The following SEMA3E variants were observed in gnomAD, a reference collection of about 807,000 sequenced individuals.
SEMA3E encodes the protein semaphorin-3E.
Under a neutral mutation model 93.6 loss-of-function variants are expected in SEMA3E, and 49 were observed. That is an observed-to-expected ratio of 0.52 (90% confidence interval 0.42 to 0.66). The LOEUF (loss-of-function observed/expected upper bound fraction) is 0.66. SEMA3E is among the 30% of genes least tolerant of loss of function. SEMA3E has a pLI of 0.00. For synonymous variants in SEMA3E, 363 were observed against 330.7 expected (o/e 1.10, Z -1.06); for missense variants, 906 against 964.8 (o/e 0.94, Z 0.81).
intron 5 of SEMA3E, among the ~76,000 whole-genome samples, chr7:83,417,617 G>A (rs1330546159): frequency 6.6e-6 from 1 of 152,088 alleles, no homozygotes; most frequent in Admixed American, 6.6e-5. Flanking sequence ...ACTTCCATTA[G>A]TACCTATGTC....
rs56911150 is a variant in SEMA3E at position 83,380,284 on chromosome 7, G to C, written c.1875+5010C>G. 3.5e-3 allele frequency among the ~76,000 whole-genome samples: 538 copies of C among 151,818 alleles called. 5 individuals carry two copies. The highest frequency in any genetic ancestry group is 0.012 in the African/African-American group (509 of 41,472). On this transcript the variant is annotated intron_variant, in intron 16 of 16. Coordinates refer to ENST00000643230, the MANE Select transcript of SEMA3E (RefSeq NM_012431.3). Reference sequence around the variant, plus strand: ...TCTACTAATACTGTTTAGTTCATGTGGCACAAAATTTTTTCAATAACTATT... The same window carrying C: ...TCTACTAATACTGTTTAGTTCATGTCGCACAAAATTTTTTCAATAACTATT...
intron 10 of SEMA3E, 127 bp from the exon 11 acceptor site, chr7:83,400,377 T>A: frequency 1.2e-6 from 1 of 849,990 alleles, no homozygotes; most frequent in Non-Finnish European, 1.9e-6. Context: ...TAGAAATATT[T>A]AGTAATCATA....
intron 1 of SEMA3E, among the ~76,000 whole-genome samples, chr7:83,535,144 T>C (rs1020630557): frequency 6.6e-6 from 1 of 152,212 alleles, no homozygotes; most frequent in Non-Finnish European, 1.5e-5. Flanking sequence ...GTGAATCTGC[T>C]GGAATTTTTA....
chr7:83,638,104 A>G (rs1793917594), intron 1 of SEMA3E, among the ~76,000 whole-genome samples: 1 of 152,210 alleles, frequency 6.6e-6, no homozygotes, highest in Non-Finnish European at 1.5e-5. Context: ...AAGGGAAAAA[A>G]CTTTAGAAAG....
At chr7:83,402,878 A>G (rs1788258436) in intron 9 of SEMA3E, 102 bp from the exon 10 acceptor site, 2 of 1,117,676 alleles carry the variant, frequency 1.8e-6, no homozygotes, top group South Asian at 2.7e-5. Context: ...TTTTGGGTAA[A>G]GTGGTTGCAA....
chr7:83,437,229 T>A (rs1659982248), intron 4 of SEMA3E, among the ~76,000 whole-genome samples: 1 of 152,024 alleles, frequency 6.6e-6, no homozygotes, highest in Non-Finnish European at 1.5e-5. Flanking sequence ...TGGATTGTCA[T>A]CCAAAAAATA....
At chr7:83,394,400 G>A in intron 12 of SEMA3E, 62 bp from the exon 13 acceptor site, 1 of 1,352,122 alleles carries the variant, frequency 7.4e-7, no homozygotes. Flanking sequence ...ACCTTAATAT[G>A]GTTGTAAACC....
chr7:83,517,089 T>G (rs1421114142), intron 1 of SEMA3E, among the ~76,000 whole-genome samples: 1 of 152,146 alleles, frequency 6.6e-6, no homozygotes, highest in Non-Finnish European at 1.5e-5. Context: ...ATCTTTAGTA[T>G]TCCTATACCA....
intron 2 of SEMA3E, among the ~76,000 whole-genome samples, chr7:83,487,682 C>CGTGTGTGTGTGTGTGTGT (rs71074667): frequency 3.3e-4 from 47 of 144,538 alleles, no homozygotes; most frequent in African/African-American, 1.1e-3. Flanking sequence ...GGCAGGAGGT[C>CGTGTGTGTGTGTGTGTGT]GTGTGTGTGT....
At chr7:83,511,605 C>T (rs61224518) in intron 1 of SEMA3E, among the ~76,000 whole-genome samples, 21,639 of 152,076 alleles carry the variant, frequency 0.14, 1,885 homozygotes, top group South Asian at 0.24. Flanking sequence ...AAAGAAGAGT[C>T]CTAGTGCGGT....
At chr7:83,605,101 TG>T (rs1793083797) in intron 1 of SEMA3E, among the ~76,000 whole-genome samples, 1 of 152,222 alleles carries the variant, frequency 6.6e-6, no homozygotes, top group South Asian at 2.1e-4. Flanking sequence ...TATGTGTGCA[TG>T]TGTCTTTATA....
intron 14 of SEMA3E, among the ~76,000 whole-genome samples, chr7:83,391,117 A>G (rs983700732): frequency 1.3e-5 from 2 of 152,140 alleles, no homozygotes; most frequent in African/African-American, 2.4e-5. Context: ...ATGGTACGGC[A>G]TGCTTGTTTT....
At chr7:83,372,065 A>C (rs559690350) in intron 16 of SEMA3E, 3 of 387,354 alleles carry the variant, frequency 7.7e-6, no homozygotes, top group African/African-American at 6.2e-5. Flanking sequence ...TGAGTAAAGA[A>C]TTCAGAAGAT....
At chr7:83,404,020 T>TC in intron 9 of SEMA3E, among the ~76,000 whole-genome samples, 1 of 152,094 alleles carries the variant, frequency 6.6e-6, no homozygotes, top group South Asian at 2.1e-4. Flanking sequence ...TATAATCTGA[T>TC]CATATTAACC....
intron 2 of SEMA3E, among the ~76,000 whole-genome samples, chr7:83,487,729 T>C (rs1163652264): frequency 6.7e-6 from 1 of 149,220 alleles, no homozygotes; most frequent in Non-Finnish European, 1.5e-5. Context: ...TTTATATATA[T>C]GGAGAGAGAG....
At chr7:83,591,895 T>A (rs1792763071) in intron 1 of SEMA3E, among the ~76,000 whole-genome samples, 1 of 152,066 alleles carries the variant, frequency 6.6e-6, no homozygotes, top group Non-Finnish European at 1.5e-5. Flanking sequence ...TGTATTCACA[T>A]CAATTTTTCT....
chr7:83,508,306 A>G (rs1790745868), intron 1 of SEMA3E, among the ~76,000 whole-genome samples: 1 of 144,986 alleles, frequency 6.9e-6, no homozygotes. Flanking sequence ...TTTGTTGCCC[A>G]GGCTGGAGTG....
intron 1 of SEMA3E, among the ~76,000 whole-genome samples, chr7:83,575,659 T>C (rs1356912274): frequency 1.3e-5 from 2 of 152,208 alleles, no homozygotes. Context: ...TCACTGGTCA[T>C]TAAATCGTAT....
chr7:83,584,449 C>T lies in SEMA3E; in HGVS notation c.115+63979G>A, dbSNP rs114082003. 9.4e-3 allele frequency among the ~76,000 whole-genome samples: 1,426 copies of T among 152,004 alleles called. 21 individuals carry two copies. The highest frequency in any genetic ancestry group is 0.027 in the African/African-American group (1,131 of 41,464). On this transcript the variant is annotated intron_variant, in intron 1 of 16. Transcript: ENST00000643230. ...ACAGATTTATAAAATGAGTAGGACT[C>T]GAACACTAATTTCTAAAAAATACCA...
Sources: allele counts gnomAD v4.1 joint callset (sites outside exome capture counted in the v4.1 genomes callset), GRCh38; gene constraint gnomAD v4.1.1; transcripts MANE v1.5; gene names NCBI Gene and HGNC (gene_info 2026-07-23, HGNC 2026-07-21).